Variants in CSMD1 observed in about 807,000 individuals in gnomAD.
CSMD1 encodes CUB and Sushi multiple domains 1.
A neutral mutation model predicts 417.5 loss-of-function variants in CSMD1; 213 were observed. The observed-to-expected ratio is 0.51, with a 90% CI of 0.46 to 0.57. The LOEUF (loss-of-function observed/expected upper bound fraction) is 0.57. Ranked by LOEUF, CSMD1 falls within the 20% of genes least tolerant of loss-of-function variation. The pLI is 0.00. For missense variants in CSMD1, 6,923 were observed against 4,529.7 expected (o/e 1.53, Z -15.17); for synonymous variants, 2,862 against 1,736.8 (o/e 1.65, Z -16.11).
At chr8:4,232,843 A>T (rs189826592) in intron 3 of CSMD1, among the ~76,000 whole-genome samples, 1 of 152,084 alleles carries the variant, frequency 6.6e-6, no homozygotes, top group Non-Finnish European at 1.5e-5. Context: ...TTATTTATTT[A>T]TTTATATATT....
chr8:4,737,733 T>A (rs562042673), intron 1 of CSMD1, among the ~76,000 whole-genome samples: 15 of 152,164 alleles, frequency 9.9e-5, no homozygotes, highest in Non-Finnish European at 8.8e-5. Context: ...AGGTAATGGC[T>A]TAAATCAATG....
At chr8:3,937,760 A>G (rs551406966) in intron 5 of CSMD1, among the ~76,000 whole-genome samples, 2 of 152,254 alleles carry the variant, frequency 1.3e-5, no homozygotes, top group East Asian at 3.9e-4. Flanking sequence ...ATTAAGATGT[A>G]ATATATTTTT....
intron 5 of CSMD1, among the ~76,000 whole-genome samples, chr8:3,858,898 T>C (rs1035354522): frequency 1.1e-4 from 16 of 152,218 alleles, no homozygotes; most frequent in African/African-American, 3.9e-4. Context: ...TGTAAATCTA[T>C]ATATTTTACA....
chr8:4,453,931 C>A (rs1276181555), intron 2 of CSMD1, among the ~76,000 whole-genome samples: 1 of 146,340 alleles, frequency 6.8e-6, no homozygotes, highest in African/African-American at 2.5e-5. Context: ...ACAGCATTCT[C>A]CTGCCTCAGC....
At chr8:4,159,681 C>G (rs974866209) in intron 3 of CSMD1, among the ~76,000 whole-genome samples, 1 of 152,132 alleles carries the variant, frequency 6.6e-6, no homozygotes. Flanking sequence ...CTCCCCCTCC[C>G]GGGTTCACGC....
intron 10 of CSMD1, among the ~76,000 whole-genome samples, chr8:3,558,416 C>G (rs987956072): frequency 1.7e-4 from 25 of 149,532 alleles, no homozygotes; most frequent in Middle Eastern, 3.5e-3. Flanking sequence ...TGAACGGTGC[C>G]TCAATGGTAC....
chr8:4,399,012 A>T (rs531627608), intron 3 of CSMD1, among the ~76,000 whole-genome samples: 170 of 152,330 alleles, frequency 1.1e-3, no homozygotes, highest in Non-Finnish European at 2.1e-3. Context: ...TAATATGTAC[A>T]CAGCTTTGTA....
At chr8:4,645,256 G>T (rs1803447524) in intron 1 of CSMD1, among the ~76,000 whole-genome samples, 1 of 151,956 alleles carries the variant, frequency 6.6e-6, no homozygotes, top group African/African-American at 2.4e-5. Flanking sequence ...GTCAGAACTG[G>T]AACCTCACGG....
intron 1 of CSMD1, among the ~76,000 whole-genome samples, chr8:4,726,661 C>T (rs1012927939): frequency 1.3e-5 from 2 of 152,190 alleles, no homozygotes; most frequent in African/African-American, 4.8e-5. Context: ...ATCCTCCCTC[C>T]TCTGTTGCTC....
intron 5 of CSMD1, among the ~76,000 whole-genome samples, chr8:3,858,727 A>C (rs1022793422): frequency 1.3e-5 from 2 of 152,066 alleles, no homozygotes; most frequent in African/African-American, 2.4e-5. Flanking sequence ...AAATCAGATT[A>C]CATTTTCAAA....
rs528908217 is a variant in CSMD1 at position 3,903,436 on chromosome 8, A to G, written c.818+94467T>C. On this transcript the variant is annotated intron_variant, in intron 5 of 69. Coordinates refer to ENST00000635120, the MANE Select transcript of CSMD1 (RefSeq NM_033225.6). ...GCATTAATATTAATGTGATATTAAC[A>G]TACACATTATGTAAAATATTACTCT... Among the ~76,000 whole-genome samples, 4 of 152,312 alleles carry G rather than the reference A, an allele frequency of 2.6e-5. No individual in the cohort carries two copies. In the East Asian group the frequency reaches 7.7e-4, roughly 29 times the overall value.
chr8:4,214,834 TAAAA>T (rs890355091), intron 3 of CSMD1, among the ~76,000 whole-genome samples: 2 of 152,254 alleles, frequency 1.3e-5, no homozygotes, highest in Non-Finnish European at 2.9e-5. Flanking sequence ...AAATTTGAAA[TAAAA>T]AAACTATGAC....
intron 1 of CSMD1, among the ~76,000 whole-genome samples, chr8:4,845,437 T>A (rs1020609249): frequency 6.6e-6 from 1 of 152,160 alleles, no homozygotes; most frequent in African/African-American, 2.4e-5. Context: ...AATCAACCAA[T>A]AATCAACCAA....
intron 50 of CSMD1, among the ~76,000 whole-genome samples, chr8:3,037,417 C>A (rs1810763440): frequency 6.6e-6 from 1 of 151,928 alleles, no homozygotes; most frequent in Admixed American, 6.6e-5. Flanking sequence ...ACCGTGTTAG[C>A]CAGGGTGGTC....
chr8:4,750,560 A>T (rs1354573850), intron 1 of CSMD1, among the ~76,000 whole-genome samples: 1 of 152,164 alleles, frequency 6.6e-6, no homozygotes, highest in Non-Finnish European at 1.5e-5. Context: ...CATAGGTCAG[A>T]TCTTTTTTCA....
intron 15 of CSMD1, 42 bp downstream of exon 15, chr8:3,405,985 G>C (rs374291243): frequency 1.9e-6 from 3 of 1,583,200 alleles, no homozygotes; most frequent in Non-Finnish European, 2.6e-6. Flanking sequence ...AGATAGATGT[G>C]TGATTTCAAA....
intron 6 of CSMD1, among the ~76,000 whole-genome samples, chr8:3,724,342 G>A (rs575754055): frequency 6.6e-5 from 10 of 151,874 alleles, no homozygotes; most frequent in East Asian, 1.9e-4. Flanking sequence ...ATGCTATCCC[G>A]GGTTTTTGTT....
chr8:3,652,167 T>C (rs1179403279), intron 7 of CSMD1, among the ~76,000 whole-genome samples: 1 of 127,740 alleles, frequency 7.8e-6, no homozygotes, highest in East Asian at 2.0e-4. Flanking sequence ...ATCAGAGCGC[T>C]TACCACCATC....
At chr8:3,581,908 G>T (rs1800398748) in intron 9 of CSMD1, among the ~76,000 whole-genome samples, 1 of 152,094 alleles carries the variant, frequency 6.6e-6, no homozygotes. Flanking sequence ...AGATTCAAGT[G>T]ATTCTCCTGC....
Sources: allele counts gnomAD v4.1 joint callset (sites outside exome capture counted in the v4.1 genomes callset), GRCh38; gene constraint gnomAD v4.1.1; transcripts MANE v1.5; gene names NCBI Gene and HGNC (gene_info 2026-07-23, HGNC 2026-07-21).